MGAT4C: variants seen among roughly 807,000 people sequenced by gnomAD.
The protein encoded by MGAT4C is MGAT4 family member C.
Under a neutral mutation model 40.1 loss-of-function variants are expected in MGAT4C, and 19 were observed. The ratio of observed to expected loss-of-function variants is 0.47; its 90% CI spans 0.33 to 0.70. The LOEUF (loss-of-function observed/expected upper bound fraction) is 0.70. Ranked by LOEUF, MGAT4C falls within the 30% of genes least tolerant of loss-of-function variation. The pLI is 0.02. For missense variants in MGAT4C, 491 were observed against 563.2 expected (o/e 0.87, Z 1.30); for synonymous variants, 181 against 187.1 (o/e 0.97, Z 0.27).
intron 2 of MGAT4C, among the ~76,000 whole-genome samples, chr12:86,468,290 T>G (rs1352864561): frequency 6.6e-6 from 1 of 152,048 alleles, no homozygotes; most frequent in Admixed American, 6.6e-5. Context: ...AAATCATTTT[T>G]TTTTCCTTTC....
chr12:86,739,895 A>C (rs957163723), intron 1 of MGAT4C, among the ~76,000 whole-genome samples: 1 of 150,772 alleles, frequency 6.6e-6, no homozygotes, highest in African/African-American at 2.4e-5. Flanking sequence ...CACACACATA[A>C]GTCCTAAGGC....
intron 4 of MGAT4C, among the ~76,000 whole-genome samples, chr12:86,284,703 G>A (rs1592645447): frequency 6.6e-6 from 1 of 152,032 alleles, no homozygotes; most frequent in Admixed American, 6.5e-5. Context: ...CCATGTAAGT[G>A]TACACTTTTT....
chr12:86,320,156 T>G (rs559136540), intron 4 of MGAT4C, among the ~76,000 whole-genome samples: 17 of 152,270 alleles, frequency 1.1e-4, no homozygotes, highest in Admixed American at 4.6e-4. Flanking sequence ...TGTATTTCTT[T>G]TTTTACTCTC....
chr12:86,043,193 T>A (rs1170633507), intron 2 of MGAT4C, among the ~76,000 whole-genome samples: 3 of 152,208 alleles, frequency 2.0e-5, no homozygotes, highest in African/African-American at 7.2e-5. Context: ...ACAGAACTAA[T>A]ATGATAGATG....
At chr12:86,253,450 G>C (rs1952387171) in intron 1 of MGAT4C, among the ~76,000 whole-genome samples, 1 of 151,866 alleles carries the variant, frequency 6.6e-6, no homozygotes, top group South Asian at 2.1e-4. Context: ...TTACTGACTG[G>C]GTGATCTTTG....
chr12:86,629,471 C>T (rs138095440), intron 2 of MGAT4C, among the ~76,000 whole-genome samples: 4,739 of 152,246 alleles, frequency 0.031, 122 homozygotes, highest in African/African-American at 0.074. Flanking sequence ...CACCACATTG[C>T]ACTTATTCCA....
chr12:86,156,843 A>C (rs1011816711), intron 1 of MGAT4C, among the ~76,000 whole-genome samples: 2 of 152,190 alleles, frequency 1.3e-5, no homozygotes, highest in African/African-American at 2.4e-5. Context: ...TGGTCAGTTT[A>C]ACTCAAAAAT....
At chr12:86,303,996 G>C (rs576553981) in intron 4 of MGAT4C, among the ~76,000 whole-genome samples, 2 of 150,362 alleles carry the variant, frequency 1.3e-5, no homozygotes, top group African/African-American at 5.0e-5. Flanking sequence ...TCCAAGTAAA[G>C]CTTGAGTTGA....
intron 1 of MGAT4C, among the ~76,000 whole-genome samples, chr12:86,050,226 C>T (rs1892768043): frequency 6.6e-6 from 1 of 151,896 alleles, no homozygotes; most frequent in African/African-American, 2.4e-5. Context: ...TTACAACATT[C>T]AAGAGATTGT....
At chr12:86,412,477 G>A (rs1264425902) in intron 3 of MGAT4C, among the ~76,000 whole-genome samples, 2 of 152,268 alleles carry the variant, frequency 1.3e-5, no homozygotes, top group Non-Finnish European at 2.9e-5. Flanking sequence ...TTTAATAATT[G>A]CCCTATTGAG....
chr12:86,085,147 T>C (rs1443848492), intron 1 of MGAT4C, among the ~76,000 whole-genome samples: 1 of 152,046 alleles, frequency 6.6e-6, no homozygotes, highest in Non-Finnish European at 1.5e-5. Context: ...GTTTTCTGTT[T>C]TGTTCTTTCT....
chr12:86,380,635 A>C (rs779306806), intron 3 of MGAT4C, among the ~76,000 whole-genome samples: 19 of 152,152 alleles, frequency 1.2e-4, no homozygotes, highest in South Asian at 2.1e-4. Flanking sequence ...CAACATACCT[A>C]CTAAGCCCTT....
intron 1 of MGAT4C, among the ~76,000 whole-genome samples, chr12:86,221,482 C>T (rs538317116): frequency 6.6e-5 from 10 of 152,252 alleles, no homozygotes; most frequent in African/African-American, 2.4e-4. Flanking sequence ...AGGATTTGGT[C>T]AATCTCTCAA....
intron 3 of MGAT4C, among the ~76,000 whole-genome samples, chr12:86,374,484 C>A (rs1199150321): frequency 6.6e-6 from 1 of 152,038 alleles, no homozygotes; most frequent in Non-Finnish European, 1.5e-5. Flanking sequence ...GATGAGTTTT[C>A]ACGGTTATAC....
At chr12:86,148,326 CT>C (rs957626937) in intron 1 of MGAT4C, among the ~76,000 whole-genome samples, 2 of 152,146 alleles carry the variant, frequency 1.3e-5, no homozygotes, top group Non-Finnish European at 1.5e-5. Flanking sequence ...ACTTGTACCC[CT>C]GAACTTAAAA....
At chr12:86,350,939 T>C (rs1955144879) in intron 3 of MGAT4C, among the ~76,000 whole-genome samples, 1 of 151,902 alleles carries the variant, frequency 6.6e-6, no homozygotes, top group African/African-American at 2.4e-5. Flanking sequence ...TATAGACATG[T>C]TGTTTTTTTA....
intron 1 of MGAT4C, among the ~76,000 whole-genome samples, chr12:86,818,430 C>T (rs1952645260): frequency 6.6e-6 from 1 of 150,828 alleles, no homozygotes; most frequent in South Asian, 2.1e-4. Context: ...TATAAAGAAG[C>T]AGAGAGGGAT....
At chr12:86,572,075 G>A (rs1960391176) in intron 2 of MGAT4C, among the ~76,000 whole-genome samples, 6 of 152,056 alleles carry the variant, frequency 3.9e-5, no homozygotes, top group Admixed American at 3.9e-4. Flanking sequence ...ACTTAGATAT[G>A]CATTGGACAA....
In MGAT4C at chr12:85,963,169, G is replaced by A. The variant is rs535735394; in HGVS notation, c.*16120C>T. On this transcript the variant is annotated 3_prime_UTR_variant, in exon 5 of 5. Coordinates refer to ENST00000611864, the MANE Select transcript of MGAT4C (RefSeq NM_001351288.2). ...TACTTGGGTGCTTTAAATGTTTTTTGGAGGCTATTACAAAATCACATCCTA... is the reference window on the plus strand; with the variant it reads ...TACTTGGGTGCTTTAAATGTTTTTTAGAGGCTATTACAAAATCACATCCTA... 2.5e-4 allele frequency: 38 copies of A among 151,628 alleles called. 1 individual carries two copies. The South Asian group carries it at 4.6e-3, about 18-fold the overall frequency. The allele number at this position is 151,628 out of a possible 1,614,324, so 9.4% of individuals were successfully genotyped here. A position where few individuals can be genotyped will look rare whatever the true frequency, so the allele number is the denominator to read the frequency against.
Sources: gnomAD v4.1 joint callset for allele counts (sites outside exome capture counted in the v4.1 genomes callset) on GRCh38, gnomAD v4.1.1 for gene constraint, MANE v1.5 for transcripts, NCBI Gene and HGNC (gene_info 2026-07-23, HGNC 2026-07-21) for gene names.